NIPAL3: variants seen among roughly 807,000 people sequenced by gnomAD.
NIPAL3 encodes the protein NIPA like domain containing 3, also known as NIPA-like protein 3.
In NIPAL3, 41 loss-of-function variants were observed where a neutral mutation model predicts 47.2. That is an observed-to-expected ratio of 0.87 (90% CI 0.68 to 1.13). The LOEUF (loss-of-function observed/expected upper bound fraction) is 1.13, where lower values mean the gene tolerates loss of function less well. Among genes scored for constraint, NIPAL3 ranks in the 50% most tolerant of loss-of-function variants. The pLI, the probability that NIPAL3 is intolerant of heterozygous loss-of-function variation, is 0.00. For missense variants in NIPAL3, 449 were observed against 530.1 expected, an observed-to-expected ratio of 0.85 and a Z score of 1.50; for synonymous variants, 194 against 209.6, an observed-to-expected ratio of 0.93 and a Z score of 0.64.
chr1:24,455,327 C>T (rs1646143748), intron 7 of NIPAL3, among the ~76,000 whole-genome samples: 1 of 152,184 alleles, frequency 6.6e-6, no homozygotes, highest in South Asian at 2.1e-4. Context: ...TCGCTGGGTA[C>T]ACAGAGAGAA....
intron 3 of NIPAL3, among the ~76,000 whole-genome samples, chr1:24,441,165 C>T (rs1453361680): frequency 6.6e-6 from 1 of 152,176 alleles, no homozygotes; most frequent in Non-Finnish European, 1.5e-5. Flanking sequence ...CTTCTGCCTG[C>T]AGTGAACTGC....
In NIPAL3 at chr1:24,440,163, T is replaced by C. The variant is rs968201335; in HGVS notation, c.94-9T>C. 6 of 1,576,884 alleles carry C rather than the reference T, an allele frequency of 3.8e-6. No individual in the cohort carries two copies. The highest frequency in any genetic ancestry group is 5.2e-6 in the Non-Finnish European group (6 of 1,162,078). On this transcript the variant is annotated splice_polypyrimidine_tract_variant and intron_variant, in intron 2 of 11. Transcript: ENST00000374399. ...AAATCATGTCCACTCCTGTGAACTT[T>C]CCTTACAGGAAAACCTGATTGGCGC...
rs543080754 is a variant in NIPAL3, at chr1:24,423,578, C to T, written c.93+3938C>T. 5.3e-5 allele frequency among the ~76,000 whole-genome samples: 8 copies of T among 152,078 alleles called. No homozygotes were observed. In the East Asian group the frequency reaches 5.8e-4, roughly 11 times the overall value. On this transcript the variant is annotated intron_variant, in intron 2 of 11. Coordinates refer to ENST00000374399, the MANE Select transcript of NIPAL3 (RefSeq NM_020448.5). The stretch of plus-strand genomic sequence containing the variant: ...CCGGGAGGCAGAGCTTGCAGTGAGC[C>T]GAGATCGCACCACTGCACTCCAGCC...
At chr1:24,435,625 A>G (rs1419948704) in intron 2 of NIPAL3, among the ~76,000 whole-genome samples, 1 of 152,216 alleles carries the variant, frequency 6.6e-6, no homozygotes, top group Non-Finnish European at 1.5e-5. Context: ...TTGTCACAAA[A>G]TATGACACCA....
intron 11 of NIPAL3, 124 bp from the exon 12 acceptor site, chr1:24,468,862 A>C: frequency 1.2e-6 from 1 of 850,214 alleles, no homozygotes; most frequent in South Asian, 1.6e-5. Context: ...AGCATTCAGG[A>C]AATTGACAAT....
chr1:24,419,871 C>T (rs181464324), intron 2 of NIPAL3: 1 of 421,070 alleles, frequency 2.4e-6, no homozygotes, highest in East Asian at 5.3e-5. Context: ...GTCACGAGGT[C>T]AAGAGATTGA....
Position 24,469,425 on chromosome 1 carries a change from C to A in NIPAL3, c.*240C>A. 2.1e-6 allele frequency: 1 copy of A among 479,908 alleles called. No individual in the cohort carries two copies. The highest frequency in any genetic ancestry group is 3.2e-5 in the South Asian group (1 of 30,816). 29.7% of individuals were successfully genotyped at this position (479,908 alleles called of 1,614,324 possible). ...GGACGGGATAGAATCCAGCCTCTGC[C>A]TGGATTAGCCCAGGGGGATTTGGAA... On this transcript the variant is annotated 3_prime_UTR_variant, in exon 12 of 12. Coordinates refer to ENST00000374399, the MANE Select transcript of NIPAL3 (RefSeq NM_020448.5).
intron 2 of NIPAL3, among the ~76,000 whole-genome samples, chr1:24,438,561 G>T (rs1187934740): frequency 2.0e-5 from 3 of 152,242 alleles, no homozygotes; most frequent in Non-Finnish European, 4.4e-5. Flanking sequence ...GGGGAGGGTT[G>T]ACTTCACTGT....
intron 7 of NIPAL3, among the ~76,000 whole-genome samples, chr1:24,455,531 G>A (rs990481337): frequency 6.6e-6 from 1 of 152,180 alleles, no homozygotes; most frequent in Admixed American, 6.5e-5. Flanking sequence ...AAAAATACAA[G>A]TGACCAGCTG....
At position 24,420,672 on chromosome 1, in the gene NIPAL3, T is replaced by G. The variant is rs187083381; in HGVS notation, c.93+1032T>G. Among the ~76,000 whole-genome samples the G allele has an allele frequency of 9.1e-4, 139 of 152,358 alleles. 1 individual carries two copies. The highest frequency in any genetic ancestry group is 3.2e-3 in the African/African-American group (132 of 41,580). ...TGTATCTTGGTTGTTTAACTTGACC[T>G]TACTTGTGGAATATTTCCCCATGTC... On this transcript the variant is annotated intron_variant, in intron 2 of 11. Coordinates refer to ENST00000374399, the MANE Select transcript of NIPAL3 (RefSeq NM_020448.5).
intron 2 of NIPAL3, among the ~76,000 whole-genome samples, chr1:24,421,164 C>A (rs372256410): frequency 6.9e-4 from 105 of 151,700 alleles, no homozygotes; most frequent in African/African-American, 2.4e-3. Flanking sequence ...ACCAAAAATA[C>A]AAAAAATTAG....
chr1:24,445,383 C>T (rs1284023792), intron 5 of NIPAL3, 139 bp downstream of exon 5: 3 of 563,838 alleles, frequency 5.3e-6, no homozygotes, highest in Non-Finnish European at 9.3e-6. Flanking sequence ...CAACAGGCTC[C>T]TGAGAGCTGG....
chr1:24,432,857 G>C (rs1049707906), intron 2 of NIPAL3, among the ~76,000 whole-genome samples: 1 of 152,248 alleles, frequency 6.6e-6, no homozygotes, highest in East Asian at 1.9e-4. Context: ...AGGCTAGTCT[G>C]TCAGTTTCCA....
intron 2 of NIPAL3, among the ~76,000 whole-genome samples, chr1:24,420,598 TG>T (rs1644284275): frequency 6.6e-6 from 1 of 152,246 alleles, no homozygotes. Context: ...TATATCTCCT[TG>T]TTTTTTTCTA....
intron 3 of NIPAL3, among the ~76,000 whole-genome samples, chr1:24,441,754 C>T (rs547715121): frequency 6.6e-6 from 1 of 152,208 alleles, no homozygotes; most frequent in Non-Finnish European, 1.5e-5. Flanking sequence ...TTAGAAATGC[C>T]TGTTTTCAGG....
intron 2 of NIPAL3, among the ~76,000 whole-genome samples, chr1:24,429,962 G>T (rs1644802890): frequency 6.6e-6 from 1 of 152,094 alleles, no homozygotes. Context: ...TGGTATGATT[G>T]ACTGAAAGCT....
chr1:24,435,423 T>C (rs1645054388), intron 2 of NIPAL3, among the ~76,000 whole-genome samples: 1 of 152,246 alleles, frequency 6.6e-6, no homozygotes, highest in African/African-American at 2.4e-5. Context: ...TATTTTGTAG[T>C]GTACCATTTT....
chr1:24,428,493 G>A (rs1221601106), intron 2 of NIPAL3, among the ~76,000 whole-genome samples: 1 of 152,152 alleles, frequency 6.6e-6, no homozygotes, highest in East Asian at 1.9e-4. Flanking sequence ...AGGCTGAGAA[G>A]AATCTCAACA....
intron 2 of NIPAL3, among the ~76,000 whole-genome samples, chr1:24,439,189 T>C (rs1269434772): frequency 6.6e-6 from 1 of 152,016 alleles, no homozygotes; most frequent in African/African-American, 2.4e-5. Context: ...GACTCTAAAA[T>C]AAAGTTAAAT....
Sources: allele counts gnomAD v4.1 joint callset (sites outside exome capture counted in the v4.1 genomes callset), GRCh38; gene constraint gnomAD v4.1.1; transcripts MANE v1.5; gene names NCBI Gene and HGNC (gene_info 2026-07-23, HGNC 2026-07-21).